DCLRE1C: variants seen among roughly 807,000 people sequenced by gnomAD.
DCLRE1C encodes the protein protein artemis.
Under a neutral mutation model 61.4 loss-of-function variants are expected in DCLRE1C, and 47 were observed. That is an observed-to-expected ratio of 0.77 (90% CI 0.61 to 0.98). The LOEUF (loss-of-function observed/expected upper bound fraction) is 0.98. Ranked by LOEUF, DCLRE1C falls within the 50% of genes least tolerant of loss-of-function variation. DCLRE1C has a pLI of 0.00. For synonymous variants in DCLRE1C, 337 were observed against 287.6 expected (o/e 1.17, Z -1.74); for missense variants, 858 against 816.0 (o/e 1.05, Z -0.63).
chr10:14,941,353 C>T (rs1357128891), intron 3 of DCLRE1C, among the ~76,000 whole-genome samples: 3 of 152,198 alleles, frequency 2.0e-5, no homozygotes, highest in South Asian at 2.1e-4. Context: ...GGCACAGTCA[C>T]GGCTCACTAT....
intron 1 of DCLRE1C, among the ~76,000 whole-genome samples, chr10:14,953,094 T>A (rs1842691213): frequency 6.6e-6 from 1 of 152,230 alleles, no homozygotes; most frequent in African/African-American, 2.4e-5. Context: ...ACTCCAGTGA[T>A]TCCGTTTATC....
chr10:14,899,117 C>G, exon 14 of DCLRE1C: 1 of 652,418 alleles, frequency 1.5e-6, no homozygotes, highest in Non-Finnish European at 2.8e-6. Flanking sequence ...CCCAGGAGTT[C>G]CAGACCAGTG....
chr10:14,924,196 G>A (rs988175454), intron 11 of DCLRE1C, among the ~76,000 whole-genome samples: 1 of 152,216 alleles, frequency 6.6e-6, no homozygotes, highest in Non-Finnish European at 1.5e-5. Context: ...TCTCACTCGC[G>A]TGCGCTCTCT....
downstream of DCLRE1C, among the ~76,000 whole-genome samples, chr10:14,901,720 A>G (rs995820583): frequency 3.3e-5 from 5 of 151,942 alleles, no homozygotes; most frequent in Non-Finnish European, 7.4e-5. Context: ...AGTCCCAGCT[A>G]CTCGGGAGGC....
At chr10:14,944,782 A>T (rs1184402174) in intron 3 of DCLRE1C, among the ~76,000 whole-genome samples, 4 of 144,012 alleles carry the variant, frequency 2.8e-5, no homozygotes, top group Non-Finnish European at 6.0e-5. Context: ...TCAAGCAATT[A>T]TCCTGCCTCA....
rs897311898 is a variant in DCLRE1C at position 14,924,877 on chromosome 10, T to TA, written c.973-1809dup. On this transcript the variant is annotated intron_variant, in intron 11 of 13. Transcript: ENST00000378278. ...AATAAATAAATAAAAATTAAAAAAT[T>TA]AAAAAAAAAATCATCCATTACTAAG... Among the ~76,000 whole-genome samples the TA allele has an allele frequency of 3.4e-3, 508 of 148,668 alleles. 4 individuals carry two copies. Among genetic ancestry groups the TA allele is most frequent in the African/African-American group, 0.012 (467 of 40,600 alleles).
intron 11 of DCLRE1C, 63 bp from the exon 12 acceptor site, chr10:14,923,132 T>G (rs1837396862): frequency 9.5e-6 from 12 of 1,266,558 alleles, no homozygotes; most frequent in Non-Finnish European, 1.0e-5. Context: ...TTAGGGGAGA[T>G]AAAGGGAGGC....
At chr10:14,935,347 T>C (rs1341608753) in intron 6 of DCLRE1C, 116 bp downstream of exon 6, 7 of 1,149,256 alleles carry the variant, frequency 6.1e-6, no homozygotes, top group South Asian at 1.3e-5. Flanking sequence ...GTACCTGTTA[T>C]CCCAGCTACT....
chr10:14,954,044 A>T lies in DCLRE1C; in HGVS notation c.-34T>A. On this transcript the variant is annotated 5_prime_UTR_variant, in exon 1 of 14. Transcript: ENST00000378278. ...CGATCCCAGAGTCCGGGACCCCAAAACCGCAGCTGAAGCCAAGGCCAGCCC... is the reference window on the plus strand; with the variant it reads ...CGATCCCAGAGTCCGGGACCCCAAATCCGCAGCTGAAGCCAAGGCCAGCCC... 2.5e-6 allele frequency: 4 copies of T among 1,612,978 alleles called. No individual in the cohort carries two copies. Among genetic ancestry groups the T allele is most frequent in the Non-Finnish European group, 2.5e-6 (3 of 1,179,774 alleles).
chr10:14,922,795 T>G (rs1425358144), intron 12 of DCLRE1C, among the ~76,000 whole-genome samples, 186 bp downstream of exon 12: 4 of 152,174 alleles, frequency 2.6e-5, no homozygotes, highest in Non-Finnish European at 5.9e-5. Context: ...CAACACTACC[T>G]ATACCTTCTG....
intron 2 of DCLRE1C, 126 bp from the exon 3 acceptor site, chr10:14,945,315 C>A (rs1700644419): frequency 2.1e-6 from 3 of 1,396,064 alleles, no homozygotes; most frequent in Admixed American, 5.4e-5. Context: ...ATGGTGAAAC[C>A]CCATCCCTAA....
chr10:14,938,325 G>A (rs1303084885), intron 4 of DCLRE1C, among the ~76,000 whole-genome samples: 2 of 151,348 alleles, frequency 1.3e-5, no homozygotes, highest in East Asian at 3.8e-4. Context: ...GTCCAGGATG[G>A]CATTTACAAA....
Position 14,921,525 on chromosome 10 carries a change from A to T in DCLRE1C, c.1061+1456T>A, listed in dbSNP as rs529579587. On this transcript the variant is annotated intron_variant, in intron 12 of 13. Coordinates refer to ENST00000378278, the MANE Select transcript of DCLRE1C (RefSeq NM_001033855.3). ...ATATAGTCTGTCCTCAGTATTTTCCATTTCCTCACTTTTTACCTATTTCTC... is the reference window on the plus strand; with the variant it reads ...ATATAGTCTGTCCTCAGTATTTTCCTTTTCCTCACTTTTTACCTATTTCTC... Among the ~76,000 whole-genome samples the T allele has an allele frequency of 4.6e-5, 7 of 151,886 alleles. No homozygotes were observed. The South Asian group carries it at 1.5e-3, about 32-fold the overall frequency.
rs1423098402 is a variant in DCLRE1C at position 14,905,034 on chromosome 10, A to T, written c.*3374T>A. On this transcript the variant is annotated 3_prime_UTR_variant, in exon 14 of 14. Coordinates refer to ENST00000378278, the MANE Select transcript of DCLRE1C (RefSeq NM_001033855.3). Reference sequence around the variant, plus strand: ...CAAAATAAATTAGGTTGGGCATTTAATGTTCTATTTACCATGGCTTAGCTT... The same window carrying T: ...CAAAATAAATTAGGTTGGGCATTTATTGTTCTATTTACCATGGCTTAGCTT... Among the ~76,000 whole-genome samples, 1 of 152,200 alleles carries T rather than the reference A, an allele frequency of 6.6e-6. No homozygotes were observed. The highest frequency in any genetic ancestry group is 1.5e-5 in the Non-Finnish European group (1 of 68,014).
Position 14,953,906 on chromosome 10 carries a change from G to A in DCLRE1C, c.105C>T (p.His35=). 6.2e-7 allele frequency: 1 copy of A among 1,613,994 alleles called. No homozygotes were observed. Among genetic ancestry groups the A allele is most frequent in the South Asian group, 1.1e-5 (1 of 91,088 alleles). The change falls in exon 1 of 14, where the codon CAC becomes CAT. Residue 35 remains histidine, a synonymous_variant. Coordinates refer to ENST00000378278, the MANE Select transcript of DCLRE1C (RefSeq NM_001033855.3). ...CGACGCGCAGCCCTCACTCACCTTT[G>A]TGGCAGTGGGACAGGAAGTAGGCGC... ...RARAYFLSHC[H]KDHMKGLRAP...
In DCLRE1C at chr10:14,951,645, G is replaced by A. The variant is rs561478667; in HGVS notation, c.109+2257C>T. The stretch of plus-strand genomic sequence containing the variant: ...GATGCGGGGCGATTTGGTTTCTGGA[G>A]AGGGCACTTTTCCTAACTTACAGAC... On this transcript the variant is annotated intron_variant, in intron 1 of 13. Transcript: ENST00000378278. Among the ~76,000 whole-genome samples, 8 of 152,224 alleles carry A rather than the reference G, an allele frequency of 5.3e-5. No homozygotes were observed. The South Asian group carries it at 1.7e-3, about 32-fold the overall frequency.
Position 14,907,164 on chromosome 10 carries a change from G to C in DCLRE1C, c.*1244C>G, listed in dbSNP as rs1162361877. Among the ~76,000 whole-genome samples the C allele has an allele frequency of 6.6e-6, 1 of 151,758 alleles. No individual in the cohort carries two copies. Among genetic ancestry groups the C allele is most frequent in the Non-Finnish European group, 1.5e-5 (1 of 67,944 alleles). On this transcript the variant is annotated 3_prime_UTR_variant, in exon 14 of 14. Transcript: ENST00000378278. ...TGTGCCTGGCCACCATTTAATTCTT[G>C]AGCATTTTCTTTTATATTCTAATTG...
intron 1 of DCLRE1C, among the ~76,000 whole-genome samples, chr10:14,950,422 C>A (rs1297319889): frequency 6.6e-6 from 1 of 151,188 alleles, no homozygotes; most frequent in East Asian, 1.9e-4. Flanking sequence ...TTCTAATTAC[C>A]ACGAGCACCA....
At chr10:14,931,410 T>C (rs2130895752) in intron 9 of DCLRE1C, among the ~76,000 whole-genome samples, 1 of 152,006 alleles carries the variant, frequency 6.6e-6, no homozygotes, top group East Asian at 1.9e-4. Flanking sequence ...ATACAAAAAT[T>C]ACCCAGGTGT....
Sources: allele counts gnomAD v4.1 joint callset (sites outside exome capture counted in the v4.1 genomes callset), GRCh38; gene constraint gnomAD v4.1.1; transcripts MANE v1.5; gene names NCBI Gene and HGNC (gene_info 2026-07-23, HGNC 2026-07-21).